ATF6: variants seen among roughly 807,000 people sequenced by gnomAD.
ATF6 encodes cyclic AMP-dependent transcription factor ATF-6 alpha.
A neutral mutation model predicts 83.6 loss-of-function variants in ATF6; 53 were observed. The observed-to-expected ratio is 0.63, with a 90% confidence interval of 0.51 to 0.80. ATF6 has a LOEUF of 0.80. Ranked by LOEUF, ATF6 falls within the 30% of genes least tolerant of loss-of-function variation. The pLI is 0.00. For synonymous variants in ATF6, 288 were observed against 285.8 expected, an observed-to-expected ratio of 1.01 and a Z score of -0.08; for missense variants, 744 against 797.9, an observed-to-expected ratio of 0.93 and a Z score of 0.81.
chr1:161,820,752 AATATAT>A (rs1685735155), intron 8 of ATF6, among the ~76,000 whole-genome samples: 1 of 152,072 alleles, frequency 6.6e-6, no homozygotes, highest in African/African-American at 2.4e-5. Context: ...GTCTCAAAAA[AATATAT>A]ATACATATAT....
At chr1:161,837,852 G>T (rs542433433) in intron 9 of ATF6, among the ~76,000 whole-genome samples, 4 of 152,274 alleles carry the variant, frequency 2.6e-5, no homozygotes, top group African/African-American at 9.6e-5. Context: ...ACTAGTCCAA[G>T]TATTCTATTT....
rs555103787 is a variant in ATF6, at chr1:161,887,084, T to C, written c.1719+23772T>C. 5.5e-4 allele frequency among the ~76,000 whole-genome samples: 84 copies of C among 152,132 alleles called. 1 individual carries two copies. Among genetic ancestry groups the C allele is most frequent in the Admixed American group, 1.8e-3 (27 of 15,280 alleles). ...GTAAAATGAAGCTTTTTTTTTTTCT[T>C]TTTTTGAGAGGGAGTCTCGCTTTGT... On this transcript the variant is annotated intron_variant, in intron 14 of 15. Transcript: ENST00000367942.
At chr1:161,939,551 G>A (rs1571250828) in intron 15 of ATF6, among the ~76,000 whole-genome samples, 3 of 152,220 alleles carry the variant, frequency 2.0e-5, no homozygotes, top group African/African-American at 7.2e-5. Context: ...CTATAAAAGT[G>A]TGGGAGCTTG....
At chr1:161,948,320 A>G (rs1470034878) in intron 15 of ATF6, among the ~76,000 whole-genome samples, 1 of 152,196 alleles carries the variant, frequency 6.6e-6, no homozygotes, top group Non-Finnish European at 1.5e-5. Flanking sequence ...AGCGAAAGAG[A>G]AAATCCTTTA....
intron 9 of ATF6, among the ~76,000 whole-genome samples, chr1:161,845,180 C>T (rs184352036): frequency 4.9e-4 from 74 of 152,210 alleles, no homozygotes; most frequent in Non-Finnish European, 5.7e-4. Flanking sequence ...GTCTGCTCCC[C>T]GTTTTCCCCC....
At chr1:161,916,814 G>A (rs1688111553) in intron 15 of ATF6, among the ~76,000 whole-genome samples, 1 of 152,168 alleles carries the variant, frequency 6.6e-6, no homozygotes, top group Non-Finnish European at 1.5e-5. Context: ...TTTGACAAAA[G>A]TAAACCATTG....
intron 3 of ATF6, 30 bp downstream of exon 3, chr1:161,782,029 TAA>T: frequency 6.9e-7 from 1 of 1,457,004 alleles, no homozygotes; most frequent in Non-Finnish European, 9.5e-7. Flanking sequence ...GTAAAAGTTT[TAA>T]AAAGATCAAT....
intron 14 of ATF6, among the ~76,000 whole-genome samples, chr1:161,883,017 C>A (rs1687350938): frequency 6.6e-6 from 1 of 151,874 alleles, no homozygotes; most frequent in African/African-American, 2.4e-5. Flanking sequence ...TTAGCAAATT[C>A]ATTCTTTCCC....
chr1:161,953,890 T>C (rs1439265059), intron 15 of ATF6, among the ~76,000 whole-genome samples: 1 of 152,216 alleles, frequency 6.6e-6, no homozygotes, highest in African/African-American at 2.4e-5. Context: ...TCTAAAAGTA[T>C]TTTAACATTA....
chr1:161,841,013 A>G (rs2101812714), intron 9 of ATF6, among the ~76,000 whole-genome samples: 1 of 152,286 alleles, frequency 6.6e-6, no homozygotes, highest in African/African-American at 2.4e-5. Flanking sequence ...CATTATACTA[A>G]TCCTTACTAT....
chr1:161,895,042 C>T (rs933203334), intron 14 of ATF6, among the ~76,000 whole-genome samples: 2 of 152,034 alleles, frequency 1.3e-5, no homozygotes, highest in South Asian at 4.1e-4. Flanking sequence ...TCAAGAACAG[C>T]CTGGCCAACA....
chr1:161,938,566 G>A (rs1688582855), intron 15 of ATF6, among the ~76,000 whole-genome samples: 1 of 152,214 alleles, frequency 6.6e-6, no homozygotes, highest in Non-Finnish European at 1.5e-5. Context: ...AGGCAGGCAA[G>A]AAGTTAGTAG....
intron 6 of ATF6, among the ~76,000 whole-genome samples, chr1:161,801,335 T>G (rs1449618239): frequency 6.6e-6 from 1 of 151,496 alleles, no homozygotes; most frequent in Non-Finnish European, 1.5e-5. Flanking sequence ...CTCAAATGGT[T>G]TTAAGTTTTT....
At chr1:161,833,527 A>G (rs1271296413) in intron 9 of ATF6, among the ~76,000 whole-genome samples, 1 of 152,164 alleles carries the variant, frequency 6.6e-6, no homozygotes, top group African/African-American at 2.4e-5. Context: ...AGATGAATGG[A>G]TAACTAGAAT....
At chr1:161,895,326 A>G (rs1017358202) in intron 14 of ATF6, among the ~76,000 whole-genome samples, 8 of 152,362 alleles carry the variant, frequency 5.3e-5, no homozygotes, top group Admixed American at 3.3e-4. Context: ...GAAATCACCT[A>G]TGGTTTACTA....
chr1:161,795,939 G>A (rs573820516), intron 6 of ATF6, among the ~76,000 whole-genome samples: 1 of 152,160 alleles, frequency 6.6e-6, no homozygotes, highest in Admixed American at 6.5e-5. Flanking sequence ...AATATTTAGA[G>A]TATCCCTGAT....
At chr1:161,900,138 T>G (rs1687752907) in intron 14 of ATF6, among the ~76,000 whole-genome samples, 1 of 152,206 alleles carries the variant, frequency 6.6e-6, no homozygotes, top group South Asian at 2.1e-4. Context: ...CTTGTTTTTA[T>G]TAGTTTTTAT....
intron 14 of ATF6, among the ~76,000 whole-genome samples, chr1:161,900,079 A>G (rs1292991014): frequency 1.3e-5 from 2 of 152,120 alleles, no homozygotes; most frequent in Non-Finnish European, 2.9e-5. Flanking sequence ...TTACATCACT[A>G]CGACCACCAT....
chr1:161,911,387 C>T (rs1241057606), intron 14 of ATF6, among the ~76,000 whole-genome samples: 1 of 152,116 alleles, frequency 6.6e-6, no homozygotes, highest in Non-Finnish European at 1.5e-5. Flanking sequence ...TTATAATCAG[C>T]CTTAGAATGC....
Sources: allele counts gnomAD v4.1 joint callset (sites outside exome capture counted in the v4.1 genomes callset), GRCh38; gene constraint gnomAD v4.1.1; transcripts MANE v1.5; gene names NCBI Gene and HGNC (gene_info 2026-07-23, HGNC 2026-07-21).